The following RPS6KA5 variants were observed in gnomAD, a reference collection of about 807,000 sequenced individuals.
RPS6KA5 encodes the protein ribosomal protein S6 kinase A5.
RPS6KA5 carries 27 observed loss-of-function variants against 85.5 expected under a neutral mutation model. That is an observed-to-expected ratio of 0.32 (90% confidence interval 0.23 to 0.44). The LOEUF (loss-of-function observed/expected upper bound fraction) is 0.44, where lower values mean the gene tolerates loss of function less well. Among genes scored for constraint, RPS6KA5 ranks in the 20% least tolerant of loss-of-function variants. The probability of loss-of-function intolerance (pLI) is 1.00; values close to 1 mark genes in which losing one functional copy is unlikely to be tolerated. For missense variants in RPS6KA5, 811 were observed against 980.9 expected, an observed-to-expected ratio of 0.83 and a Z score of 2.31; for synonymous variants, 334 against 348.2, an observed-to-expected ratio of 0.96 and a Z score of 0.46.
In RPS6KA5 at chr14:90,854,628, T is replaced by C. The variant is rs962490827; in HGVS notation, c.*17446A>G. The C allele has an allele frequency of 1.3e-5, 2 of 152,260 alleles. No individual in the cohort carries two copies. The highest frequency in any genetic ancestry group is 2.4e-5 in the African/African-American group (1 of 41,566). 9.4% of individuals were successfully genotyped at this position (152,260 alleles called of 1,614,324 possible). On this transcript the variant is annotated 3_prime_UTR_variant, in exon 17 of 17. Transcript: ENST00000614987. ...TTAAAAATCTGGAATACTTTAACAG[T>C]AGACTTTACTCAAATATCTAAAAGA...
chr14:90,900,552 G>A, intron 10 of RPS6KA5, 59 bp downstream of exon 10: 1 of 1,508,232 alleles, frequency 6.6e-7, no homozygotes, highest in Admixed American at 2.0e-5. Context: ...AATTAGAGTT[G>A]GTATTTAAAC....
intron 14 of RPS6KA5, among the ~76,000 whole-genome samples, chr14:90,890,223 C>T (rs1447731779): frequency 6.6e-6 from 1 of 152,084 alleles, no homozygotes; most frequent in African/African-American, 2.4e-5. Context: ...AAAATATATG[C>T]TATAGTTCCT....
At chr14:90,932,483 C>T (rs1183892001) in intron 5 of RPS6KA5, among the ~76,000 whole-genome samples, 1 of 152,046 alleles carries the variant, frequency 6.6e-6, no homozygotes. Flanking sequence ...TTAATAGTAC[C>T]CAGCAAACAC....
At position 91,051,482 on chromosome 14, in the gene RPS6KA5, AT is replaced by A. The variant is rs1312837702; in HGVS notation, c.103+8849del. Among the ~76,000 whole-genome samples the A allele has an allele frequency of 9.9e-5, 15 of 151,964 alleles. No individual in the cohort carries two copies. In the East Asian group the frequency reaches 2.7e-3, roughly 27 times the overall value. ...CACTCTGGACTTTTTATCATGAAACATCCTTTTATTTTTTTATTTTTTTGAG... is the reference window on the plus strand; with the variant it reads ...CACTCTGGACTTTTTATCATGAAACACCTTTTATTTTTTTATTTTTTTGAG... On this transcript the variant is annotated intron_variant, in intron 1 of 16. Coordinates refer to ENST00000614987, the MANE Select transcript of RPS6KA5 (RefSeq NM_004755.4).
chr14:90,888,588 A>G (rs1013826581), intron 14 of RPS6KA5, among the ~76,000 whole-genome samples: 1 of 152,162 alleles, frequency 6.6e-6, no homozygotes, highest in Admixed American at 6.5e-5. Flanking sequence ...TAAAAGAAGA[A>G]CCATCCTGCA....
intron 3 of RPS6KA5, among the ~76,000 whole-genome samples, chr14:90,955,025 T>C (rs529969836): frequency 6.6e-6 from 1 of 152,342 alleles, no homozygotes; most frequent in East Asian, 1.9e-4. Context: ...TTGTTGATCA[T>C]CTCAAAAGAA....
intron 5 of RPS6KA5, among the ~76,000 whole-genome samples, chr14:90,935,634 A>T (rs1007588120): frequency 1.3e-5 from 2 of 152,198 alleles, no homozygotes; most frequent in African/African-American, 4.8e-5. Context: ...AATAAATAAC[A>T]TTATCTGAAT....
At chr14:90,938,921 TCTTA>T (rs1358585695) in intron 5 of RPS6KA5, among the ~76,000 whole-genome samples, 1 of 152,210 alleles carries the variant, frequency 6.6e-6, no homozygotes, top group Non-Finnish European at 1.5e-5. Flanking sequence ...TCCAGCTCCT[TCTTA>T]CTTATGCAAA....
intron 1 of RPS6KA5, among the ~76,000 whole-genome samples, chr14:91,027,375 A>G (rs990376127): frequency 5.9e-5 from 9 of 152,012 alleles, no homozygotes; most frequent in Non-Finnish European, 4.4e-5. Flanking sequence ...ATCTTTCCCC[A>G]CTGCTTGGTT....
chr14:90,995,534 C>A (rs1388112239), intron 2 of RPS6KA5, among the ~76,000 whole-genome samples: 1 of 152,092 alleles, frequency 6.6e-6, no homozygotes, highest in African/African-American at 2.4e-5. Flanking sequence ...AAGCTGTCTC[C>A]TATATATGAA....
At chr14:90,962,130 G>A (rs2038827674) in intron 3 of RPS6KA5, among the ~76,000 whole-genome samples, 1 of 152,136 alleles carries the variant, frequency 6.6e-6, no homozygotes, top group Non-Finnish European at 1.5e-5. Context: ...AGATTACACT[G>A]TTTTGGAAAA....
chr14:90,965,994 G>A (rs2039042472), intron 3 of RPS6KA5, among the ~76,000 whole-genome samples: 1 of 152,180 alleles, frequency 6.6e-6, no homozygotes, highest in African/African-American at 2.4e-5. Flanking sequence ...TGACTGATAA[G>A]GCCTAATGTG....
intron 7 of RPS6KA5, among the ~76,000 whole-genome samples, chr14:90,910,607 A>C (rs1221077087): frequency 2.0e-5 from 3 of 151,406 alleles, no homozygotes; most frequent in African/African-American, 7.4e-5. Flanking sequence ...TGTCTCAAAA[A>C]AAAAATCACT....
At chr14:91,041,539 A>G (rs940686710) in intron 1 of RPS6KA5, among the ~76,000 whole-genome samples, 1 of 152,224 alleles carries the variant, frequency 6.6e-6, no homozygotes, top group African/African-American at 2.4e-5. Flanking sequence ...TCTGAAATCT[A>G]AAATCTTTAA....
chr14:90,867,628 A>G lies in RPS6KA5; in HGVS notation c.*4446T>C, dbSNP rs2032856012. Reference sequence around the variant, plus strand: ...TAAGCCTGATGAATAACTACTAAGAATCTTGTCTTTTAATACAAGTCTCCT... The same window carrying G: ...TAAGCCTGATGAATAACTACTAAGAGTCTTGTCTTTTAATACAAGTCTCCT... On this transcript the variant is annotated 3_prime_UTR_variant, in exon 17 of 17. Coordinates refer to ENST00000614987, the MANE Select transcript of RPS6KA5 (RefSeq NM_004755.4). 6 of 152,194 alleles carry G rather than the reference A, an allele frequency of 3.9e-5. No individual in the cohort carries two copies. The highest frequency in any genetic ancestry group is 3.9e-4 in the Admixed American group (6 of 15,284). The allele number at this position is 152,194 out of a possible 1,614,324, so 9.4% of individuals were successfully genotyped here.
At chr14:91,011,670 C>T (rs931461232) in intron 1 of RPS6KA5, among the ~76,000 whole-genome samples, 3 of 152,110 alleles carry the variant, frequency 2.0e-5, no homozygotes, top group African/African-American at 7.2e-5. Flanking sequence ...TTTCTAATTC[C>T]ATTCTCACCA....
intron 1 of RPS6KA5, among the ~76,000 whole-genome samples, chr14:91,032,407 T>C (rs2042219280): frequency 6.6e-6 from 1 of 152,202 alleles, no homozygotes; most frequent in African/African-American, 2.4e-5. Flanking sequence ...TGAGTTTTCT[T>C]ACTTGCAGCT....
At chr14:90,937,837 G>C (rs1051261154) in intron 5 of RPS6KA5, among the ~76,000 whole-genome samples, 4 of 152,086 alleles carry the variant, frequency 2.6e-5, no homozygotes, top group Non-Finnish European at 5.9e-5. Flanking sequence ...CTCCCACCAG[G>C]TCCCTCCCAC....
At chr14:90,908,931 G>A (rs915572722) in intron 7 of RPS6KA5, among the ~76,000 whole-genome samples, 2 of 152,206 alleles carry the variant, frequency 1.3e-5, no homozygotes, top group Non-Finnish European at 2.9e-5. Flanking sequence ...CATCACCAAT[G>A]GTTGAGTGTG....
Sources: allele counts gnomAD v4.1 joint callset (sites outside exome capture counted in the v4.1 genomes callset), GRCh38; gene constraint gnomAD v4.1.1; transcripts MANE v1.5; gene names NCBI Gene and HGNC (gene_info 2026-07-23, HGNC 2026-07-21).